RAPGEF4: variants seen among roughly 807,000 people sequenced by gnomAD.
RAPGEF4 encodes Rap guanine nucleotide exchange factor 4, also known as RAP guanine-nucleotide-exchange factor (GEF) 4.
In RAPGEF4, 66 loss-of-function variants were observed where a neutral mutation model predicts 147.9. The ratio of observed to expected loss-of-function variants is 0.45; its 90% CI spans 0.37 to 0.55. The LOEUF (loss-of-function observed/expected upper bound fraction) is 0.55, where lower values mean the gene tolerates loss of function less well. Among genes scored for constraint, RAPGEF4 ranks in the 20% least tolerant of loss-of-function variants. The pLI, the probability that RAPGEF4 is intolerant of heterozygous loss-of-function variation, is 0.00. For missense variants in RAPGEF4, 1,071 were observed against 1,257.3 expected (o/e 0.85, Z 2.24); for synonymous variants, 419 against 442.7 (o/e 0.95, Z 0.67).
chr2:173,031,175 C>T (rs1697155769), intron 26 of RAPGEF4, among the ~76,000 whole-genome samples: 1 of 152,176 alleles, frequency 6.6e-6, no homozygotes, highest in African/African-American at 2.4e-5. Flanking sequence ...TTCCGTCCCT[C>T]CTAAATGTTT....
chr2:172,882,569 G>A (rs925304494), intron 4 of RAPGEF4, among the ~76,000 whole-genome samples: 2 of 152,170 alleles, frequency 1.3e-5, no homozygotes, highest in African/African-American at 4.8e-5. Flanking sequence ...TATGAGGGAA[G>A]CATATGGAAT....
At chr2:173,016,309 G>T (rs753051087) in intron 18 of RAPGEF4, 40 bp from the exon 19 acceptor site, 2 of 1,392,188 alleles carry the variant, frequency 1.4e-6, no homozygotes, top group Middle Eastern at 1.8e-4. Flanking sequence ...TGTGCCTTTT[G>T]CAGTTCTTGT....
chr2:172,908,416 C>T (rs1486583226), intron 4 of RAPGEF4, among the ~76,000 whole-genome samples: 2 of 152,216 alleles, frequency 1.3e-5, no homozygotes, highest in African/African-American at 4.8e-5. Flanking sequence ...CAGTTAAATT[C>T]TTACTACCAG....
rs1359979595 is a variant in RAPGEF4, at chr2:172,831,588, A to C, written c.444+17163A>C. Among the ~76,000 whole-genome samples, 5 of 152,046 alleles carry C rather than the reference A, an allele frequency of 3.3e-5. No individual in the cohort carries two copies. The South Asian group carries it at 1.0e-3, about 32-fold the overall frequency. On this transcript the variant is annotated intron_variant, in intron 4 of 30. Coordinates refer to ENST00000397081, the MANE Select transcript of RAPGEF4 (RefSeq NM_007023.4). The stretch of plus-strand genomic sequence containing the variant: ...CTGGCCCAGATAGAAAACTTTAAGT[A>C]TGTAAGAATCATTGCAGTATAATCA...
chr2:172,749,635 G>GACACGTCAAGAC (rs1300174427), intron 1 of RAPGEF4, among the ~76,000 whole-genome samples: 7 of 152,222 alleles, frequency 4.6e-5, no homozygotes, highest in Admixed American at 2.0e-4. Flanking sequence ...GTGCCCTGGA[G>GACACGTCAAGAC]ACGTTTTTCT....
At chr2:172,900,659 A>T (rs1000125387) in intron 4 of RAPGEF4, among the ~76,000 whole-genome samples, 2 of 152,140 alleles carry the variant, frequency 1.3e-5, no homozygotes, top group Non-Finnish European at 2.9e-5. Context: ...CATTAGCACC[A>T]ATCTCCCTTT....
At chr2:172,998,217 A>G (rs1356528227) in intron 16 of RAPGEF4, among the ~76,000 whole-genome samples, 1 of 152,212 alleles carries the variant, frequency 6.6e-6, no homozygotes, top group Non-Finnish European at 1.5e-5. Context: ...GTATCATGGA[A>G]AATATAGAGT....
intron 4 of RAPGEF4, among the ~76,000 whole-genome samples, chr2:172,867,138 AT>A (rs1694742261): frequency 6.6e-6 from 1 of 151,926 alleles, no homozygotes; most frequent in South Asian, 2.1e-4. Context: ...CACACAGCTA[AT>A]TCTTTTTATT....
chr2:172,771,571 A>G (rs922317552), intron 1 of RAPGEF4, among the ~76,000 whole-genome samples: 1 of 152,068 alleles, frequency 6.6e-6, no homozygotes, highest in Non-Finnish European at 1.5e-5. Flanking sequence ...AATTAGGAAA[A>G]GACAAACTCT....
intron 1 of RAPGEF4, among the ~76,000 whole-genome samples, chr2:172,773,911 T>A (rs997320959): frequency 4.6e-5 from 7 of 152,098 alleles, no homozygotes; most frequent in African/African-American, 1.7e-4. Flanking sequence ...TAGGAGAGGA[T>A]CTGCAGAGAA....
intron 1 of RAPGEF4, among the ~76,000 whole-genome samples, chr2:172,767,303 C>T (rs965921802): frequency 2.0e-5 from 3 of 151,934 alleles, no homozygotes; most frequent in Admixed American, 6.6e-5. Context: ...CTCAGCTTCC[C>T]GAGTAGCTGG....
At chr2:172,920,079 T>C (rs1419714212) in intron 5 of RAPGEF4, among the ~76,000 whole-genome samples, 1 of 152,136 alleles carries the variant, frequency 6.6e-6, no homozygotes, top group Non-Finnish European at 1.5e-5. Context: ...TTTTTTACTT[T>C]TTATTATGAA....
intron 4 of RAPGEF4, among the ~76,000 whole-genome samples, chr2:172,857,763 C>T (rs1693593135): frequency 1.3e-5 from 2 of 151,528 alleles, no homozygotes; most frequent in African/African-American, 4.9e-5. Context: ...GCCTGCAGTC[C>T]CAGATACCTG....
intron 3 of RAPGEF4, among the ~76,000 whole-genome samples, chr2:172,806,628 A>G (rs1687523089): frequency 6.6e-6 from 1 of 152,248 alleles, no homozygotes; most frequent in Non-Finnish European, 1.5e-5. Context: ...TAGAAAACGC[A>G]GGAAATGTAC....
intron 1 of RAPGEF4, among the ~76,000 whole-genome samples, chr2:172,769,525 T>C (rs1697162634): frequency 6.6e-6 from 1 of 152,100 alleles, no homozygotes; most frequent in African/African-American, 2.4e-5. Flanking sequence ...ATTCATACAG[T>C]TGAATATCTT....
intron 4 of RAPGEF4, among the ~76,000 whole-genome samples, chr2:172,891,722 A>G (rs1470551759): frequency 6.6e-6 from 1 of 152,240 alleles, no homozygotes; most frequent in East Asian, 1.9e-4. Context: ...GTGTAAAAAC[A>G]GTGACAGAAT....
intron 4 of RAPGEF4, among the ~76,000 whole-genome samples, chr2:172,886,160 T>C (rs1027315334): frequency 1.3e-5 from 2 of 152,270 alleles, no homozygotes; most frequent in Admixed American, 6.5e-5. Context: ...TTCCTAGAGC[T>C]TGGCGTATTT....
intron 1 of RAPGEF4, among the ~76,000 whole-genome samples, chr2:172,740,320 C>T (rs1009040840): frequency 6.6e-6 from 1 of 152,224 alleles, no homozygotes; most frequent in African/African-American, 2.4e-5. Context: ...GAAAGGTTCT[C>T]AGTTGATTGG....
chr2:173,009,467 G>A (rs1286393620), intron 17 of RAPGEF4, among the ~76,000 whole-genome samples: 2 of 152,174 alleles, frequency 1.3e-5, no homozygotes, highest in African/African-American at 4.8e-5. Flanking sequence ...TCCAGATGGT[G>A]AGAAATACTT....
Sources: gnomAD v4.1 joint callset for allele counts (sites outside exome capture counted in the v4.1 genomes callset) on GRCh38, gnomAD v4.1.1 for gene constraint, MANE v1.5 for transcripts, NCBI Gene and HGNC (gene_info 2026-07-23, HGNC 2026-07-21) for gene names.